RGL4: variants seen among roughly 807,000 people sequenced by gnomAD.
The protein encoded by RGL4 is ral-GDS-related protein.
A neutral mutation model predicts 49.6 loss-of-function variants in RGL4; 41 were observed. The observed-to-expected ratio is 0.83, with a 90% CI of 0.64 to 1.07. The LOEUF (loss-of-function observed/expected upper bound fraction) is 1.07. Ranked by LOEUF, RGL4 falls within the 50% of genes least tolerant of loss-of-function variation. RGL4 has a pLI of 0.00. For missense variants in RGL4, 610 were observed against 591.9 expected, an observed-to-expected ratio of 1.03 and a Z score of -0.32; for synonymous variants, 255 against 238.0, an observed-to-expected ratio of 1.07 and a Z score of -0.66.
At chr22:23,696,186 G>A (rs758050002) in intron 6 of RGL4, 57 of 685,266 alleles carry the variant, frequency 8.3e-5, no homozygotes, top group Non-Finnish European at 1.1e-4. Flanking sequence ...GGGCCCTGGG[G>A]AGCCACTGCC....
intron 10 of RGL4, 43 bp from the exon 11 acceptor site, chr22:23,698,801 G>A: frequency 6.3e-7 from 1 of 1,585,576 alleles, no homozygotes; most frequent in Non-Finnish European, 8.6e-7. Flanking sequence ...GGGACCTGAT[G>A]TGTGGCTCAT....
At chr22:23,696,916 T>A (rs1923541018) in intron 7 of RGL4, among the ~76,000 whole-genome samples, 1 of 152,186 alleles carries the variant, frequency 6.6e-6, no homozygotes, top group African/African-American at 2.4e-5. Flanking sequence ...CACAGGCCTT[T>A]GTGACTTGTT....
Position 23,692,838 on chromosome 22 carries a change from G to T in RGL4, c.543G>T (p.Gly181=). 6.2e-7 allele frequency: 1 copy of T among 1,613,490 alleles called. No individual in the cohort carries two copies. Among genetic ancestry groups the T allele is most frequent in the Non-Finnish European group, 8.5e-7 (1 of 1,180,000 alleles). ...GGCCAGCACCAGCACCAGGGGAAGG[G>T]CCCCCTCCAGGGACAGTGCTGGAGC... is the stretch of plus-strand genomic sequence containing the variant. ...APGPAPAPGE[G]PPPGTVLEPQ... is the part of the protein sequence containing the mutation. Residue 181 remains glycine, a synonymous_variant, in exon 3 of 11, where the codon GGG becomes GGT. Coordinates refer to ENST00000290691, the MANE Select transcript of RGL4 (RefSeq NM_153615.2).
chr22:23,697,096 G>C, intron 7 of RGL4, 75 bp from the exon 8 acceptor site: 1 of 1,127,078 alleles, frequency 8.9e-7, no homozygotes, highest in South Asian at 1.4e-5. Context: ...CATGGGACAG[G>C]ACCTTGGGCA....
At chr22:23,692,552 G>C in intron 2 of RGL4, 24 bp downstream of exon 2, 1 of 1,601,102 alleles carries the variant, frequency 6.2e-7, no homozygotes, top group Non-Finnish European at 8.5e-7. Flanking sequence ...CAGTCTGCAA[G>C]ACTTTCCGGG....
chr22:23,692,144 G>T lies in RGL4; in HGVS notation c.114G>T (p.Thr38=), dbSNP rs148535347. The change falls in exon 1 of 11, where the codon ACG becomes ACT. Residue 38 remains threonine (T), a synonymous_variant. Coordinates refer to ENST00000290691, the MANE Select transcript of RGL4 (RefSeq NM_153615.2). ...EENVCGTPGR[T]RVCTALLYGQ... ...ATGTCTGTGGGACGCCAGGGCGCAC[G>T]AGGGTCTGTACAGCCCTGCTGTATG... is the stretch of plus-strand genomic sequence containing the variant. 1 of 1,614,218 alleles carries T rather than the reference G, an allele frequency of 6.2e-7. No individual in the cohort carries two copies. Among genetic ancestry groups the T allele is most frequent in the African/African-American group, 1.3e-5 (1 of 75,054 alleles).
chr22:23,692,368 C>A lies in RGL4; in HGVS notation c.213C>A (p.Pro71=). 6 of 1,614,182 alleles carry A rather than the reference C, an allele frequency of 3.7e-6. No individual in the cohort carries two copies. The highest frequency in any genetic ancestry group is 5.1e-6 in the Non-Finnish European group (6 of 1,180,004). ...TITSILFNWP[P]ENTSVYYQPP... ...CCTCCATTTTGTTCAACTGGCCCCC[C>A]GAAAACACTTCAGTTTACTATCAGC... Residue 71 remains proline (P), a synonymous_variant, in exon 2 of 11, where the codon CCC becomes CCA. Transcript: ENST00000290691.
rs2070447 is a variant in RGL4 at position 23,694,376 on chromosome 22, G to A, written c.942G>A (p.Ser314=). The A allele has an allele frequency of 0.099, 160,335 of 1,613,060 alleles. 9,502 individuals are homozygous for A. The highest frequency in any genetic ancestry group is 0.28 in the East Asian group (12,389 of 44,856). Reference sequence around the variant, plus strand: ...GCCTAAGCCTCAACAACTTCTCCTCGGTGCACGTCATCGTCTCTGCTCTGT... The same window carrying A: ...GCCTAAGCCTCAACAACTTCTCCTCAGTGCACGTCATCGTCTCTGCTCTGT... ...RECLSLNNFS[S]VHVIVSALCS... is the part of the protein sequence containing the mutation. Residue 314 remains serine, a synonymous_variant, in exon 5 of 11, where the codon TCG becomes TCA. Coordinates refer to ENST00000290691, the MANE Select transcript of RGL4 (RefSeq NM_153615.2).
At position 23,693,776 on chromosome 22, in the gene RGL4, G is replaced by T; in HGVS notation, c.714G>T (p.Val238=). ...CCCCAAAGGAGCTGTTCAAGAAGGT[G>T]GTGCTCCACGAATGCTTGGGCTGCA... ...TLMDAELFKK[V]VLHECLGCIW... The change falls in exon 4 of 11, where the codon GTG becomes GTT. Residue 238 remains valine (V), a synonymous_variant. Transcript: ENST00000290691. 1 of 1,614,018 alleles carries T rather than the reference G, an allele frequency of 6.2e-7. No homozygotes were observed. The highest frequency in any genetic ancestry group is 8.5e-7 in the Non-Finnish European group (1 of 1,179,974).
intron 6 of RGL4, among the ~76,000 whole-genome samples, chr22:23,695,705 T>A (rs1426591114): frequency 6.6e-6 from 1 of 152,192 alleles, no homozygotes; most frequent in African/African-American, 2.4e-5. Context: ...CAGCGACGCA[T>A]GCTCATGACA....
chr22:23,692,097 C>G lies in RGL4; in HGVS notation c.67C>G (p.Leu23Val). The G allele has an allele frequency of 6.2e-7, 1 of 1,614,156 alleles. No individual in the cohort carries two copies. The highest frequency in any genetic ancestry group is 1.1e-5 in the South Asian group (1 of 91,086). Residue 23 changes from leucine (L) to valine (V), a missense_variant, in exon 1 of 11, where the codon CTC (leucine) becomes GTC (valine). By Grantham distance (32) the Leu-to-Val change is conservative. Transcript: ENST00000290691. ...VLSAQVYSAV[L>V]QGLWEENVCG... is the part of the protein sequence containing the mutation. ...GAGTGCCCAGGTGTACAGTGCTGTGCTCCAGGGCCTTTGGGAAGAGAATGT... is the reference window on the plus strand; with the variant it reads ...GAGTGCCCAGGTGTACAGTGCTGTGGTCCAGGGCCTTTGGGAAGAGAATGT...
chr22:23,692,738 C>A lies in RGL4; in HGVS notation c.443C>A (p.Ala148Glu), dbSNP rs530476353. 4 of 1,613,220 alleles carry A rather than the reference C, an allele frequency of 2.5e-6. No homozygotes were observed. Among genetic ancestry groups the A allele is most frequent in the Non-Finnish European group, 3.4e-6 (4 of 1,179,900 alleles). Residue 148 changes from alanine to glutamate, a missense_variant, in exon 3 of 11, where the codon GCG becomes GAG. Ala to Glu is a moderately radical substitution (Grantham distance 107, BLOSUM62 -1). Coordinates refer to ENST00000290691, the MANE Select transcript of RGL4 (RefSeq NM_153615.2). ...CTGGAGCCAGCACCACCACTGCTGG[C>A]GGACCTGGGGCCTGCTCTGGAGCCA... ...PALEPAPPLL[A>E]DLGPALEPES...
In RGL4 at chr22:23,692,210, G is replaced by A; in HGVS notation, c.179+1G>A. 4.3e-6 allele frequency: 7 copies of A among 1,612,570 alleles called. No individual in the cohort carries two copies. The highest frequency in any genetic ancestry group is 5.9e-6 in the Non-Finnish European group (7 of 1,178,724). On this transcript the variant is annotated splice_donor_variant, in intron 1 of 10. Transcript: ENST00000290691. LOFTEE classifies it high-confidence loss of function. ...TCCAGGACAGCACTGATGGCTTACG[G>A]TAGGGTGGGGCTGTCCTCCACACTG...
Position 23,692,422 on chromosome 22 carries a change from G to A in RGL4, c.267G>A (p.Lys89=). The change falls in exon 2 of 11, where the codon AAG becomes AAA. Residue 89 remains lysine (K), a synonymous_variant. Transcript: ENST00000290691. ...CGCAACGGTCATCTTTCCGGATAAA[G>A]CTGGCCTTCAGGAACCTCTCCTGGC... ...QPPQRSSFRI[K]LAFRNLSWPG... The A allele has an allele frequency of 6.2e-7, 1 of 1,614,216 alleles. No individual in the cohort carries two copies. The highest frequency in any genetic ancestry group is 8.5e-7 in the Non-Finnish European group (1 of 1,180,032).
intron 5 of RGL4, 110 bp downstream of exon 5, chr22:23,694,560 G>C: frequency 1.3e-6 from 1 of 783,532 alleles, no homozygotes; most frequent in Non-Finnish European, 2.2e-6. Context: ...AGGGACACTG[G>C]AGGCAGGGAT....
rs947074904 is a variant in RGL4 at position 23,697,840 on chromosome 22, C to CA, written c.1241dup (p.Asn414LysfsTer31). On this transcript the variant is annotated frameshift_variant, in exon 9 of 11. Transcript: ENST00000290691. LOFTEE classifies it high-confidence loss of function. Reference sequence around the variant, plus strand: ...GATGGACTCTGTCTGCCTTCCAGGGCAACACCAACAAGAGGAGCAAGGTGA... The same window carrying CA: ...GATGGACTCTGTCTGCCTTCCAGGGCAAACACCAACAAGAGGAGCAAGGTGA... 6.2e-7 allele frequency: 1 copy of CA among 1,606,742 alleles called. No individual in the cohort carries two copies. The highest frequency in any genetic ancestry group is 8.5e-7 in the Non-Finnish European group (1 of 1,177,494).
At position 23,696,746 on chromosome 22, in the gene RGL4, C is replaced by G; in HGVS notation, c.1161+58C>G. The G allele has an allele frequency of 2.7e-6, 4 of 1,486,612 alleles. No homozygotes were observed. The Admixed American group carries it at 7.6e-5, about 28-fold the overall frequency. 92.1% of individuals were successfully genotyped at this position (1,486,612 alleles called of 1,614,324 possible). A position where few individuals can be genotyped will look rare whatever the true frequency, so the allele number is the denominator to read the frequency against. On this transcript the variant is annotated intron_variant, in intron 7 of 10. Coordinates refer to ENST00000290691, the MANE Select transcript of RGL4 (RefSeq NM_153615.2). ...GGGATCAGAGGACAGGGCTCCCTTC[C>G]CCGCCAGCTGGAGGCCTCCATATCA...
At chr22:23,695,403 T>C (rs1923421061) in intron 6 of RGL4, 1 of 523,068 alleles carries the variant, frequency 1.9e-6, no homozygotes, top group Non-Finnish European at 3.5e-6. Flanking sequence ...CCTTCCTTCC[T>C]CAAACCGGCC....
chr22:23,694,277 C>A, intron 4 of RGL4, 70 bp from the exon 5 acceptor site: 2 of 1,218,042 alleles, frequency 1.6e-6, no homozygotes, highest in Non-Finnish European at 2.4e-6. Context: ...GAGATCTCAG[C>A]AGAGGGGGCT....
Sources: gnomAD v4.1 joint callset for allele counts (sites outside exome capture counted in the v4.1 genomes callset) on GRCh38, gnomAD v4.1.1 for gene constraint, MANE v1.5 for transcripts, NCBI Gene and HGNC (gene_info 2026-07-23, HGNC 2026-07-21) for gene names.